Variants in RGSL1 observed in about 807,000 individuals in gnomAD.
RGSL1 encodes regulator of G protein signaling protein-like.
In RGSL1, 97 loss-of-function variants were observed where a neutral mutation model predicts 124.7. The ratio of observed to expected loss-of-function variants is 0.78; its 90% CI spans 0.66 to 0.92. The LOEUF (loss-of-function observed/expected upper bound fraction) is 0.92, where lower values mean the gene tolerates loss of function less well. Among genes scored for constraint, RGSL1 ranks in the 40% least tolerant of loss-of-function variants. RGSL1 has a pLI of 0.00. For missense variants in RGSL1, 1,233 were observed against 1,288.4 expected, an observed-to-expected ratio of 0.96 and a Z score of 0.66; for synonymous variants, 424 against 438.1, an observed-to-expected ratio of 0.97 and a Z score of 0.40.
At position 182,527,723 on chromosome 1, in the gene RGSL1, T is replaced by C; in HGVS notation, c.2076T>C (p.Ser692=). The change falls in exon 11 of 22, where the codon TCT becomes TCC. Residue 692 remains serine (S), a synonymous_variant. Coordinates refer to ENST00000294854, the MANE Select transcript of RGSL1 (RefSeq NM_001137669.2). Reference sequence around the variant, plus strand: ...AGACCAATGAAAAGATTTGCAAGTCTCTCATAGAAAATGTAATCAAGACTT... The same window carrying C: ...AGACCAATGAAAAGATTTGCAAGTCCCTCATAGAAAATGTAATCAAGACTT... The part of the protein sequence containing the change: ...SIETNEKICK[S]LIENVIKTFF... The C allele has an allele frequency of 6.4e-7, 1 of 1,551,106 alleles. No individual in the cohort carries two copies. Among genetic ancestry groups the C allele is most frequent in the Non-Finnish European group, 8.7e-7 (1 of 1,146,676 alleles).
chr1:182,482,522 TACC>T (rs1232577113), intron 6 of RGSL1, among the ~76,000 whole-genome samples: 1 of 152,170 alleles, frequency 6.6e-6, no homozygotes, highest in East Asian at 1.9e-4. Flanking sequence ...ACCCTAAAAT[TACC>T]ACAAAAACAG....
At chr1:182,487,603 G>C (rs1655187229) in intron 6 of RGSL1, among the ~76,000 whole-genome samples, 1 of 152,176 alleles carries the variant, frequency 6.6e-6, no homozygotes. Context: ...GGATTTCCCT[G>C]ACTGAATCAG....
At chr1:182,528,470 C>T (rs1028352229) in intron 11 of RGSL1, among the ~76,000 whole-genome samples, 4 of 152,190 alleles carry the variant, frequency 2.6e-5, no homozygotes, top group Non-Finnish European at 5.9e-5. Flanking sequence ...GTCCCTTCCA[C>T]CTGTGAGCCT....
chr1:182,460,604 T>G, intron 4 of RGSL1: 1 of 454,770 alleles, frequency 2.2e-6, no homozygotes, highest in Non-Finnish European at 4.4e-6. Flanking sequence ...TTGCTTTTGC[T>G]CTTGCTCTCT....
intron 9 of RGSL1, among the ~76,000 whole-genome samples, chr1:182,518,601 C>T (rs1185893984): frequency 9.2e-5 from 14 of 152,154 alleles, no homozygotes; most frequent in Non-Finnish European, 1.5e-5. Context: ...AGATGCTTCC[C>T]CTGCCAGAAA....
At chr1:182,513,147 C>T (rs553608623) in intron 9 of RGSL1, among the ~76,000 whole-genome samples, 1 of 152,348 alleles carries the variant, frequency 6.6e-6, no homozygotes, top group East Asian at 1.9e-4. Flanking sequence ...TCTCTGTCTA[C>T]TGTTGATATC....
chr1:182,513,741 G>GC (rs1657648168), intron 9 of RGSL1, among the ~76,000 whole-genome samples: 1 of 152,088 alleles, frequency 6.6e-6, no homozygotes, highest in African/African-American at 2.4e-5. Flanking sequence ...GCCTATTTCT[G>GC]CAACTTCTTC....
chr1:182,518,764 G>T (rs1265450266), intron 9 of RGSL1, among the ~76,000 whole-genome samples: 1 of 152,096 alleles, frequency 6.6e-6, no homozygotes, highest in Non-Finnish European at 1.5e-5. Context: ...CTTACCATCT[G>T]CTCAGAGTTT....
intron 9 of RGSL1, among the ~76,000 whole-genome samples, chr1:182,515,714 G>A (rs1477936089): frequency 2.0e-5 from 3 of 152,190 alleles, no homozygotes; most frequent in African/African-American, 4.8e-5. Context: ...CTGGCCAGCT[G>A]GCTACGCAGG....
chr1:182,470,550 T>G lies in RGSL1; in HGVS notation c.302-1846T>G, dbSNP rs577377203. Among the ~76,000 whole-genome samples, 10 of 152,306 alleles carry G rather than the reference T, an allele frequency of 6.6e-5. No homozygotes were observed. The East Asian group carries it at 1.9e-3, about 29-fold the overall frequency. On this transcript the variant is annotated intron_variant, in intron 4 of 21. Transcript: ENST00000294854. The stretch of plus-strand genomic sequence containing the variant: ...CCTCCTCAACCCTTTGTACAAATCT[T>G]GTCTCCTCATTGAACCACTACCAAT...
chr1:182,513,303 A>G (rs975512634), intron 9 of RGSL1, among the ~76,000 whole-genome samples: 11 of 152,220 alleles, frequency 7.2e-5, no homozygotes, highest in Non-Finnish European at 1.6e-4. Flanking sequence ...TCTCTGGCAA[A>G]ACGAAGCCAT....
Position 182,540,401 on chromosome 1 carries a change from T to C in RGSL1, c.2649T>C (p.Tyr883=), listed in dbSNP as rs1460258555. 1.0e-5 allele frequency: 16 copies of C among 1,549,960 alleles called. No homozygotes were observed. In the Admixed American group the frequency reaches 3.2e-4, roughly 31 times the overall value. The change falls in exon 15 of 22, where the codon TAT becomes TAC. Residue 883 remains tyrosine (Y), a synonymous_variant. Coordinates refer to ENST00000294854, the MANE Select transcript of RGSL1 (RefSeq NM_001137669.2). ...ITVNFAINDL[Y]FFSEMEKFND... ...TCAACTTTGCGATCAATGATCTATA[T>C]TTCTTTTCTGAAATGGAGAAGTAAG...
Position 182,560,332 on chromosome 1 carries a change from G to A in RGSL1, c.*219G>A, listed in dbSNP as rs534304043. On this transcript the variant is annotated 3_prime_UTR_variant, in exon 22 of 22. Transcript: ENST00000294854. Reference sequence around the variant, plus strand: ...GGGTGATGGAAAGAAGCAGAGGAAAGCAGAAACAGCAAGAGTGACTGAGAC... The same window carrying A: ...GGGTGATGGAAAGAAGCAGAGGAAAACAGAAACAGCAAGAGTGACTGAGAC... 6.6e-6 allele frequency: 1 copy of A among 152,358 alleles called. No individual in the cohort carries two copies. Among genetic ancestry groups the A allele is most frequent in the African/African-American group, 2.4e-5 (1 of 41,590 alleles). 9.4% of individuals were successfully genotyped at this position (152,358 alleles called of 1,614,324 possible). A position where few individuals can be genotyped will look rare whatever the true frequency, so the allele number is the denominator to read the frequency against.
chr1:182,474,242 T>C lies in RGSL1; in HGVS notation c.1131T>C (p.Asp377=). The stretch of plus-strand genomic sequence containing the variant: ...ACATCCACTTGGCCTTGTGTGCTGA[T>C]GCCTGTGCAGGGAACCCTTTCCGGG... The part of the protein sequence containing the change: ...LGYIHLALCA[D]ACAGNPFRDH... The change falls in exon 6 of 22, where the codon GAT becomes GAC. Residue 377 remains aspartate, a synonymous_variant. Transcript: ENST00000294854. 3.9e-6 allele frequency: 6 copies of C among 1,551,908 alleles called. No homozygotes were observed. The highest frequency in any genetic ancestry group is 5.2e-6 in the Non-Finnish European group (6 of 1,147,024).
intron 21 of RGSL1, among the ~76,000 whole-genome samples, chr1:182,557,931 A>C (rs545103467): frequency 6.6e-6 from 1 of 152,144 alleles, no homozygotes; most frequent in Non-Finnish European, 1.5e-5. Context: ...AACGCAGTCC[A>C]TGAGAGATAA....
intron 13 of RGSL1, among the ~76,000 whole-genome samples, chr1:182,531,731 G>A (rs914390635): frequency 3.3e-5 from 5 of 152,120 alleles, no homozygotes; most frequent in African/African-American, 1.2e-4. Context: ...CAGAACCAGT[G>A]CACTTGATTT....
rs756518318 is a variant in RGSL1, at chr1:182,554,659, G to A, written c.3163G>A (p.Val1055Met). ...AAGCAAACTTACTCAGCCAAGACTC[G>A]TGGTATCTGCCATGCAGCTGCATCC... The part of the protein sequence containing the change: ...SSSKLTQPRL[V>M]VSAMQLHPVQ... Residue 1055 changes from valine to methionine, a missense_variant, in exon 20 of 22, where the codon GTG (valine) becomes ATG (methionine). By Grantham distance (21) the Val-to-Met change is conservative. Transcript: ENST00000294854. 1.9e-5 allele frequency: 30 copies of A among 1,551,556 alleles called. No individual in the cohort carries two copies. Among genetic ancestry groups the A allele is most frequent in the South Asian group, 1.1e-4 (9 of 84,064 alleles).
chr1:182,518,576 G>A (rs1205019044), intron 9 of RGSL1, among the ~76,000 whole-genome samples: 1 of 152,142 alleles, frequency 6.6e-6, no homozygotes, highest in African/African-American at 2.4e-5. Context: ...CAGGCACTCT[G>A]AATTCTTCCC....
chr1:182,531,145 G>A (rs965206217), intron 13 of RGSL1, among the ~76,000 whole-genome samples: 9 of 152,134 alleles, frequency 5.9e-5, no homozygotes, highest in African/African-American at 2.2e-4. Context: ...AGAGGACATG[G>A]ATTGGCAATG....
Sources: allele counts gnomAD v4.1 joint callset (sites outside exome capture counted in the v4.1 genomes callset), GRCh38; gene constraint gnomAD v4.1.1; transcripts MANE v1.5; gene names NCBI Gene and HGNC (gene_info 2026-07-23, HGNC 2026-07-21).